PKN2: variants seen among roughly 807,000 people sequenced by gnomAD.
PKN2 encodes serine/threonine-protein kinase N2.
In PKN2, 38 loss-of-function variants were observed where a neutral mutation model predicts 119.1. The ratio of observed to expected loss-of-function variants is 0.32; its 90% CI spans 0.25 to 0.42. The LOEUF (loss-of-function observed/expected upper bound fraction) is 0.42. PKN2 is among the 10% of genes least tolerant of loss of function. PKN2 has a pLI of 1.00. For synonymous variants in PKN2, 390 were observed against 384.9 expected, an observed-to-expected ratio of 1.01 and a Z score of -0.15; for missense variants, 850 against 1,165.1, an observed-to-expected ratio of 0.73 and a Z score of 3.94.
intron 1 of PKN2, among the ~76,000 whole-genome samples, chr1:88,734,968 AAT>A (rs4000960): frequency 0.5 from 75,992 of 151,770 alleles, 19,815 homozygotes; most frequent in Middle Eastern, 0.7. Flanking sequence ...GGCAAATTAA[AAT>A]AGTTATTATT....
chr1:88,781,545 A>C (rs959336239), intron 6 of PKN2, among the ~76,000 whole-genome samples: 5 of 152,070 alleles, frequency 3.3e-5, no homozygotes, highest in African/African-American at 9.7e-5. Flanking sequence ...TTGTTTTAAA[A>C]ATTTCATATT....
At chr1:88,729,118 TC>T (rs2100722432) in intron 1 of PKN2, among the ~76,000 whole-genome samples, 1 of 152,268 alleles carries the variant, frequency 6.6e-6, no homozygotes, top group South Asian at 2.1e-4. Context: ...GGTCTTGAAC[TC>T]CTGACCTCAG....
chr1:88,804,773 TA>T lies in PKN2; in HGVS notation c.1426-69del, dbSNP rs1223933859. ...CTGTAACTAAGATTCTCTTAAGCTT[TA>T]AAATTTTATAAATTTAGTAGATTTC... On this transcript the variant is annotated intron_variant, in intron 9 of 21. Coordinates refer to ENST00000370521, the MANE Select transcript of PKN2 (RefSeq NM_006256.4). 2.3e-5 allele frequency: 21 copies of T among 903,682 alleles called. No homozygotes were observed. The African/African-American group carries it at 3.4e-4, about 15-fold the overall frequency. 56.0% of individuals were successfully genotyped at this position (903,682 alleles called of 1,614,324 possible).
chr1:88,686,552 A>G (rs925778969), intron 1 of PKN2, among the ~76,000 whole-genome samples: 5 of 152,082 alleles, frequency 3.3e-5, no homozygotes, highest in African/African-American at 1.2e-4. Flanking sequence ...CCTTCCAGAA[A>G]AAGAATAGTT....
At chr1:88,705,410 C>A (rs571982475) in intron 1 of PKN2, among the ~76,000 whole-genome samples, 6 of 152,038 alleles carry the variant, frequency 3.9e-5, no homozygotes, top group South Asian at 2.1e-4. Context: ...AAAATATATT[C>A]TTGGCTGGGC....
chr1:88,787,758 A>G (rs1670640718), intron 8 of PKN2, among the ~76,000 whole-genome samples: 1 of 152,220 alleles, frequency 6.6e-6, no homozygotes, highest in Admixed American at 6.5e-5. Context: ...ACTTTGGAAT[A>G]ATGCTCCTTT....
chr1:88,686,302 G>A (rs956261720), intron 1 of PKN2, among the ~76,000 whole-genome samples: 2 of 151,990 alleles, frequency 1.3e-5, no homozygotes, highest in Admixed American at 1.3e-4. Context: ...AATATATTTG[G>A]CATTGGTACT....
At chr1:88,762,054 G>A (rs569968525) in intron 3 of PKN2, among the ~76,000 whole-genome samples, 1 of 152,228 alleles carries the variant, frequency 6.6e-6, no homozygotes, top group African/African-American at 2.4e-5. Flanking sequence ...TTAGTTTGAG[G>A]GGTTTATGAA....
rs540997930 is a variant in PKN2, at chr1:88,771,821, A to G, written c.927A>G (p.Gln309=). ...CATCACCAACACTAAGTCCACGTCA[A>G]AGTATGATATCTACGCAAAATCAAT... ...VAASPTLSPR[Q]SMISTQNQYS... Residue 309 remains glutamine (Q), a synonymous_variant, in exon 6 of 22, where the codon CAA becomes CAG. Coordinates refer to ENST00000370521, the MANE Select transcript of PKN2 (RefSeq NM_006256.4). The G allele has an allele frequency of 9.3e-6, 15 of 1,614,008 alleles. 1 individual carries two copies. The African/African-American group carries it at 1.1e-4, about 11-fold the overall frequency.
At chr1:88,724,313 T>C (rs933904600) in intron 1 of PKN2, among the ~76,000 whole-genome samples, 7 of 152,192 alleles carry the variant, frequency 4.6e-5, no homozygotes, top group African/African-American at 1.7e-4. Context: ...CAGTATGATT[T>C]GTCTCCTAGG....
chr1:88,830,639 T>A (rs1672690270), intron 19 of PKN2, among the ~76,000 whole-genome samples: 1 of 152,116 alleles, frequency 6.6e-6, no homozygotes, highest in East Asian at 1.9e-4. Context: ...CAGTTGAATC[T>A]ACTCCCTCCT....
chr1:88,690,125 A>G (rs1445886143), intron 1 of PKN2, among the ~76,000 whole-genome samples: 3 of 152,290 alleles, frequency 2.0e-5, no homozygotes, highest in South Asian at 2.1e-4. Context: ...GTATCATGCA[A>G]TTCCTACCAT....
rs1672598956 is a variant in PKN2, at chr1:88,828,484, T to A, written c.2423T>A (p.Met808Lys). ...IADFGLCKEGMGYGDRTSTFC... is the reference protein window; with the variant it reads ...IADFGLCKEGKGYGDRTSTFC... Reference sequence around the variant, plus strand: ...GTTTACATTTTATCTTTTCCAGGAATGGGATATGGAGATAGAACAAGCACA... The same window carrying A: ...GTTTACATTTTATCTTTTCCAGGAAAGGGATATGGAGATAGAACAAGCACA... The change falls in exon 19 of 22, where the codon ATG (methionine) becomes AAG (lysine). Residue 808 changes from methionine to lysine, a missense_variant. Met to Lys is a moderately conservative substitution (Grantham distance 95, BLOSUM62 -1). This residue lies in a region of PKN2 where 55 missense variants were observed against 85.9 expected (regional missense o/e 0.64). Transcript: ENST00000370521. The A allele has an allele frequency of 1.3e-6, 2 of 1,590,372 alleles. 1 individual carries two copies. The highest frequency in any genetic ancestry group is 1.7e-6 in the Non-Finnish European group (2 of 1,163,932).
At chr1:88,699,941 C>T (rs1223761011) in intron 1 of PKN2, among the ~76,000 whole-genome samples, 1 of 152,008 alleles carries the variant, frequency 6.6e-6, no homozygotes, top group Non-Finnish European at 1.5e-5. Flanking sequence ...CGCCACCACA[C>T]CCAGCTAATT....
intron 1 of PKN2, among the ~76,000 whole-genome samples, chr1:88,702,333 G>A (rs1666808408): frequency 6.6e-6 from 1 of 152,130 alleles, no homozygotes; most frequent in Admixed American, 6.5e-5. Context: ...GATGTTCAAG[G>A]AGGGTAGGAT....
intron 16 of PKN2, among the ~76,000 whole-genome samples, chr1:88,814,569 T>C (rs1671909047): frequency 1.3e-5 from 2 of 152,162 alleles, no homozygotes; most frequent in South Asian, 2.1e-4. Context: ...CTAAATATCT[T>C]ATTTAACAAC....
At position 88,759,182 on chromosome 1, in the gene PKN2, G is replaced by T. The variant is rs573510296; in HGVS notation, c.350-1040G>T. On this transcript the variant is annotated intron_variant, in intron 2 of 21. Coordinates refer to ENST00000370521, the MANE Select transcript of PKN2 (RefSeq NM_006256.4). ...GTTCGAGAGCAGCCTGACCAACATG[G>T]TGAAACTCCGCCTGTACTAAAAATA... Among the ~76,000 whole-genome samples, 5 of 151,336 alleles carry T rather than the reference G, an allele frequency of 3.3e-5. No individual in the cohort carries two copies. The South Asian group carries it at 1.0e-3, about 31-fold the overall frequency.
chr1:88,756,221 C>T (rs987594003), intron 2 of PKN2, among the ~76,000 whole-genome samples: 6 of 152,040 alleles, frequency 3.9e-5, no homozygotes, highest in African/African-American at 1.4e-4. Flanking sequence ...TTAGTACAAC[C>T]TGCTGTAATG....
intron 2 of PKN2, among the ~76,000 whole-genome samples, chr1:88,758,038 C>CAAAAAAAA (rs33914457): frequency 9.1e-4 from 54 of 59,054 alleles, no homozygotes; most frequent in African/African-American, 3.4e-3. Flanking sequence ...GAGACTATCT[C>CAAAAAAAA]AAAAAAAAAA....
Sources: allele counts gnomAD v4.1 joint callset (sites outside exome capture counted in the v4.1 genomes callset), GRCh38; gene constraint gnomAD v4.1.1; regional missense constraint gnomAD v4.1.1; transcripts MANE v1.5; gene names NCBI Gene and HGNC (gene_info 2026-07-23, HGNC 2026-07-21).